The following FBXL13 variants were observed in gnomAD, a reference collection of about 807,000 sequenced individuals.
FBXL13 encodes the protein F-box and leucine-rich repeat protein 13.
In FBXL13, 67 loss-of-function variants were observed where a neutral mutation model predicts 83.6. The ratio of observed to expected loss-of-function variants is 0.80; its 90% CI spans 0.66 to 0.98. FBXL13 has a LOEUF of 0.98. FBXL13 is among the 50% of genes least tolerant of loss of function. FBXL13 has a pLI of 0.00. For synonymous variants in FBXL13, 272 were observed against 299.5 expected, an observed-to-expected ratio of 0.91 and a Z score of 0.95; for missense variants, 822 against 866.5, an observed-to-expected ratio of 0.95 and a Z score of 0.64.
chr7:102,943,875 T>A (rs1290783700), intron 8 of FBXL13, among the ~76,000 whole-genome samples: 1 of 152,148 alleles, frequency 6.6e-6, no homozygotes, highest in Admixed American at 6.5e-5. Context: ...AGGAGGTAGT[T>A]TTGCAACTGG....
exon 6 of FBXL13, chr7:103,025,129 T>C: frequency 1.2e-6 from 2 of 1,612,912 alleles, no homozygotes; most frequent in African/African-American, 1.3e-5. Context: ...CAAGAAAGAC[T>C]TCAGAAGAAC....
chr7:102,813,166 T>C, downstream of FBXL13: 1 of 654,448 alleles, frequency 1.5e-6, no homozygotes, highest in African/African-American at 1.9e-5. Context: ...TCATGATTAT[T>C]TAGACAGAAG....
At chr7:102,875,174 T>C (rs1049950926) in intron 16 of FBXL13, among the ~76,000 whole-genome samples, 1 of 152,176 alleles carries the variant, frequency 6.6e-6, no homozygotes, top group Admixed American at 6.5e-5. Context: ...GAACACAGGA[T>C]AAAAATCCTG....
chr7:102,897,499 G>A (rs557417208), intron 11 of FBXL13, among the ~76,000 whole-genome samples: 47 of 151,922 alleles, frequency 3.1e-4, no homozygotes, highest in East Asian at 5.8e-4. Flanking sequence ...TGGGAAATAC[G>A]AACAAAAGGA....
chr7:102,965,320 T>A (rs143777630), intron 7 of FBXL13, among the ~76,000 whole-genome samples: 1 of 152,276 alleles, frequency 6.6e-6, no homozygotes, highest in African/African-American at 2.4e-5. Context: ...AGGCTTAGTT[T>A]TTTTTCATCT....
At chr7:103,038,182 C>G (rs1174271106) in intron 2 of FBXL13, among the ~76,000 whole-genome samples, 1 of 152,242 alleles carries the variant, frequency 6.6e-6, no homozygotes, top group Non-Finnish European at 1.5e-5. Flanking sequence ...GTCCCACACC[C>G]ATGGAGCCTT....
At chr7:102,876,547 G>A (rs1351351323) in intron 16 of FBXL13, among the ~76,000 whole-genome samples, 1 of 152,172 alleles carries the variant, frequency 6.6e-6, no homozygotes, top group Non-Finnish European at 1.5e-5. Flanking sequence ...AGACCCCACC[G>A]AATGTTGACG....
chr7:103,074,183 C>T, intron 1 of FBXL13: 3 of 964,736 alleles, frequency 3.1e-6, no homozygotes, highest in Non-Finnish European at 3.7e-6. Flanking sequence ...AGCTTCCACT[C>T]TTCCCTCCGC....
chr7:102,813,468 T>C (rs1192533508), exon 20 of FBXL13: 1 of 1,614,088 alleles, frequency 6.2e-7, no homozygotes, highest in East Asian at 2.2e-5. Context: ...CAAACCAACG[T>C]GGAGGGTCAT....
chr7:102,904,545 G>A (rs933853949), intron 11 of FBXL13, among the ~76,000 whole-genome samples: 2 of 151,572 alleles, frequency 1.3e-5, no homozygotes, highest in African/African-American at 4.8e-5. Flanking sequence ...CCCACTTTTT[G>A]TTTCATTGAT....
At chr7:102,946,788 C>T (rs55851590) in intron 8 of FBXL13, among the ~76,000 whole-genome samples, 31,042 of 151,870 alleles carry the variant, frequency 0.2, 3,603 homozygotes, top group African/African-American at 0.32. Context: ...GATTCTCCTG[C>T]CTCAGCCTCC....
rs115147935 is a variant in FBXL13 at position 102,932,840 on chromosome 7, C to G, written c.725-907G>C. Reference sequence around the variant, plus strand: ...CTCAGACTGGTCTCAAGAGATCTGACTGCCTCAGCCTCCCAAAGTGCTGGG... The same window carrying G: ...CTCAGACTGGTCTCAAGAGATCTGAGTGCCTCAGCCTCCCAAAGTGCTGGG... On this transcript the variant is annotated intron_variant, in intron 8 of 19. Transcript: ENST00000313221. Among the ~76,000 whole-genome samples, 1,351 of 152,226 alleles carry G rather than the reference C, an allele frequency of 8.9e-3. 12 individuals carry two copies. The highest frequency in any genetic ancestry group is 0.031 in the African/African-American group (1,277 of 41,536).
chr7:102,955,097 C>A (rs1207784726), intron 8 of FBXL13, among the ~76,000 whole-genome samples: 2 of 152,318 alleles, frequency 1.3e-5, no homozygotes, highest in Middle Eastern at 3.4e-3. Context: ...ACATTCTTCT[C>A]AGCACCACAT....
chr7:103,028,788 T>C (rs371509742), intron 3 of FBXL13, 40 bp from the exon 5 acceptor site: 4 of 1,475,114 alleles, frequency 2.7e-6, no homozygotes, highest in Non-Finnish European at 2.7e-6. Flanking sequence ...AATATTTTGA[T>C]ATTAGGGCAA....
At position 103,041,881 on chromosome 7, in the gene FBXL13, A is replaced by C. The variant is rs376957337; in HGVS notation, c.1-12463T>G. ...AGCCAATATCCTACTGAATGGGCAA[A>C]AACTAGAAGCATTCCCTTTGAAAAC... is the stretch of plus-strand genomic sequence containing the variant. On this transcript the variant is annotated intron_variant, in intron 2 of 19. Transcript: ENST00000313221. 9.2e-5 allele frequency among the ~76,000 whole-genome samples: 14 copies of C among 152,344 alleles called. No homozygotes were observed. In the East Asian group the frequency reaches 1.2e-3, roughly 13 times the overall value.
chr7:103,010,075 A>C (rs1271758861), intron 6 of FBXL13, among the ~76,000 whole-genome samples: 1 of 150,718 alleles, frequency 6.6e-6, no homozygotes, highest in African/African-American at 2.4e-5. Context: ...CCACCCCACT[A>C]CTGGTAACCG....
chr7:102,932,035 C>T, intron 8 of FBXL13, 102 bp from the exon 10 acceptor site: 1 of 1,125,864 alleles, frequency 8.9e-7, no homozygotes, highest in South Asian at 1.6e-5. Context: ...AGAAAACAAA[C>T]AAAAACCTTG....
At chr7:103,001,296 A>G (rs1416686921) in intron 6 of FBXL13, among the ~76,000 whole-genome samples, 3 of 152,056 alleles carry the variant, frequency 2.0e-5, no homozygotes, top group Non-Finnish European at 4.4e-5. Context: ...CCTTCAGTCT[A>G]TATGTGCCTA....
upstream of FBXL13, chr7:103,074,649 T>C (rs1314735000): frequency 3.1e-6 from 4 of 1,277,262 alleles, no homozygotes; most frequent in Non-Finnish European, 4.1e-6. Flanking sequence ...CTCCCCCTTC[T>C]AACTCCCCAC....
Sources: allele counts gnomAD v4.1 joint callset (sites outside exome capture counted in the v4.1 genomes callset), GRCh38; gene constraint gnomAD v4.1.1; transcripts MANE v1.5; gene names NCBI Gene and HGNC (gene_info 2026-07-23, HGNC 2026-07-21).